The following COL11A1 variants were observed in gnomAD, a reference collection of about 807,000 sequenced individuals.
COL11A1 encodes collagen alpha-1(XI) chain.
COL11A1 carries 74 observed loss-of-function variants against 265.2 expected under a neutral mutation model. That is an observed-to-expected ratio of 0.28 (90% CI 0.23 to 0.34). The LOEUF (loss-of-function observed/expected upper bound fraction) is 0.34. COL11A1 is among the 10% of genes least tolerant of loss of function. COL11A1 has a pLI of 1.00. For missense variants in COL11A1, 2,165 were observed against 2,263.6 expected, an observed-to-expected ratio of 0.96 and a Z score of 0.88; for synonymous variants, 816 against 727.6, an observed-to-expected ratio of 1.12 and a Z score of -1.96.
Position 103,022,739 on chromosome 1 carries a change from T to A in COL11A1, c.1245+3A>T, listed in dbSNP as rs1295102743. 1 of 1,613,576 alleles carries A rather than the reference T, an allele frequency of 6.2e-7. No homozygotes were observed. Among genetic ancestry groups the A allele is most frequent in the South Asian group, 1.1e-5 (1 of 91,084 alleles). On this transcript the variant is annotated splice_donor_region_variant and intron_variant, in intron 8 of 66. Transcript: ENST00000370096. Reference sequence around the variant, plus strand: ...AATGACACAGTGCATAGTATCAACTTACGCTTGTTTCTGTAATATCAGTTT... The same window carrying A: ...AATGACACAGTGCATAGTATCAACTAACGCTTGTTTCTGTAATATCAGTTT...
intron 41 of COL11A1, among the ~76,000 whole-genome samples, chr1:102,953,179 A>G (rs957444152): frequency 2.6e-5 from 4 of 152,258 alleles, no homozygotes; most frequent in Non-Finnish European, 4.4e-5. Flanking sequence ...TTATATCTAA[A>G]CTGAATGATT....
At chr1:103,041,871 A>C (rs1022283656) in intron 4 of COL11A1, among the ~76,000 whole-genome samples, 7 of 152,012 alleles carry the variant, frequency 4.6e-5, no homozygotes, top group Non-Finnish European at 1.0e-4. Flanking sequence ...ATTTTGGAAA[A>C]ACTGTATTTT....
intron 1 of COL11A1, among the ~76,000 whole-genome samples, chr1:103,086,536 C>T (rs11164667): frequency 0.51 from 77,402 of 151,960 alleles, 22,386 homozygotes; most frequent in East Asian, 0.92. Context: ...CCTGCCTCAG[C>T]CTCCTGAGTA....
At position 103,050,543 on chromosome 1, in the gene COL11A1, C is replaced by T. The variant is rs1231911876; in HGVS notation, c.652-19299G>A. Among the ~76,000 whole-genome samples, 6 of 152,134 alleles carry T rather than the reference C, an allele frequency of 3.9e-5. No homozygotes were observed. The South Asian group carries it at 8.3e-4, about 21-fold the overall frequency. ...GTTTTTAACTTCTTTGCCATTGGTT[C>T]GAACTTCCTCCTGTGGCTCGGAGTA... is the stretch of plus-strand genomic sequence containing the variant. On this transcript the variant is annotated intron_variant, in intron 4 of 66. Coordinates refer to ENST00000370096, the MANE Select transcript of COL11A1 (RefSeq NM_001854.4).
At chr1:102,945,543 CTT>C (rs1156290125) in intron 42 of COL11A1, among the ~76,000 whole-genome samples, 2 of 152,030 alleles carry the variant, frequency 1.3e-5, no homozygotes, top group African/African-American at 4.8e-5. Context: ...AAACTGAAGT[CTT>C]AGTGATAGAG....
intron 9 of COL11A1, among the ~76,000 whole-genome samples, chr1:103,021,399 T>C (rs1236570845): frequency 6.6e-6 from 1 of 152,140 alleles, no homozygotes; most frequent in Non-Finnish European, 1.5e-5. Flanking sequence ...GATCAAACAT[T>C]TGATACCTCA....
chr1:103,039,576 C>T (rs986164138), intron 4 of COL11A1, among the ~76,000 whole-genome samples: 3 of 150,722 alleles, frequency 2.0e-5, no homozygotes, highest in Non-Finnish European at 4.4e-5. Flanking sequence ...ATTTCCAAGC[C>T]AAGGCAAGAA....
At chr1:102,901,498 G>A (rs1653198987) in intron 54 of COL11A1, among the ~76,000 whole-genome samples, 1 of 120,102 alleles carries the variant, frequency 8.3e-6, no homozygotes, top group South Asian at 3.1e-4. Flanking sequence ...TACAGAGTCT[G>A]TGTTATTCTG....
Position 103,074,787 on chromosome 1 carries a change from A to C in COL11A1, c.489-7T>G, listed in dbSNP as rs372555374. The stretch of plus-strand genomic sequence containing the variant: ...GATTGCTACCCGATGCCACCTAAAA[A>C]AGACAAGTAATTCTTTTGTAAGCTT... On this transcript the variant is annotated splice_polypyrimidine_tract_variant and splice_region_variant and intron_variant, in intron 3 of 66. Coordinates refer to ENST00000370096, the MANE Select transcript of COL11A1 (RefSeq NM_001854.4). The C allele has an allele frequency of 1.1e-4, 183 of 1,612,968 alleles. 1 individual carries two copies. The African/African-American group carries it at 2.4e-3, about 21-fold the overall frequency.
At chr1:102,904,319 G>A (rs2100965010) in intron 54 of COL11A1, among the ~76,000 whole-genome samples, 1 of 152,234 alleles carries the variant, frequency 6.6e-6, no homozygotes, top group South Asian at 2.1e-4. Context: ...CATGGGCAAG[G>A]ACTTCATGTC....
intron 4 of COL11A1, among the ~76,000 whole-genome samples, chr1:103,055,589 G>A (rs758008630): frequency 1.3e-5 from 2 of 152,190 alleles, no homozygotes; most frequent in Non-Finnish European, 2.9e-5. Context: ...GGATTTGGAA[G>A]ATGAGGCAAG....
chr1:103,044,721 T>C (rs1280692690), intron 4 of COL11A1, among the ~76,000 whole-genome samples: 1 of 152,130 alleles, frequency 6.6e-6, no homozygotes, highest in Non-Finnish European at 1.5e-5. Flanking sequence ...AATATATTTA[T>C]TCATTCACTA....
intron 1 of COL11A1, among the ~76,000 whole-genome samples, chr1:103,099,218 G>T (rs987230689): frequency 6.6e-6 from 1 of 151,528 alleles, no homozygotes; most frequent in Admixed American, 6.6e-5. Context: ...TAGCAATATA[G>T]TATAAAAACT....
At chr1:103,066,888 C>T (rs931909415) in intron 4 of COL11A1, among the ~76,000 whole-genome samples, 2 of 151,606 alleles carry the variant, frequency 1.3e-5, no homozygotes, top group African/African-American at 2.4e-5. Flanking sequence ...AAAGGAGTGG[C>T]CATTCTAATA....
chr1:103,080,033 A>G (rs1175220377), intron 2 of COL11A1, among the ~76,000 whole-genome samples: 2 of 151,834 alleles, frequency 1.3e-5, no homozygotes, highest in Admixed American at 6.6e-5. Context: ...TATAATAATA[A>G]AATTTTATAA....
intron 1 of COL11A1, among the ~76,000 whole-genome samples, chr1:103,103,440 C>T (rs745748773): frequency 1.3e-4 from 19 of 151,868 alleles, no homozygotes; most frequent in Non-Finnish European, 2.5e-4. Flanking sequence ...TAGAGTATTA[C>T]GCCTTCTACT....
intron 2 of COL11A1, among the ~76,000 whole-genome samples, chr1:103,079,268 G>A (rs1672216683): frequency 6.7e-6 from 1 of 149,202 alleles, no homozygotes. Flanking sequence ...ACTTTAAAGA[G>A]GCATTGTAAT....
In COL11A1 at chr1:102,914,823, TAAAAA is replaced by T; in HGVS notation, c.3817-17_3817-13del. ...TCTCCTTTGGGACCCTAAACAATGT[TAAAAA>T]AAAAAAAAGAAGAAGAAGGAAAGAA... On this transcript the variant is annotated splice_polypyrimidine_tract_variant and intron_variant, in intron 50 of 66. Transcript: ENST00000370096. 1 of 1,268,952 alleles carries T rather than the reference TAAAAA, an allele frequency of 7.9e-7. No homozygotes were observed. The highest frequency in any genetic ancestry group is 2.6e-5 in the East Asian group (1 of 39,084). The allele number at this position is 1,268,952 out of a possible 1,614,324, so 78.6% of individuals were successfully genotyped here. A position where few individuals can be genotyped will look rare whatever the true frequency, so the allele number is the denominator to read the frequency against.
intron 57 of COL11A1, among the ~76,000 whole-genome samples, chr1:102,890,903 A>G (rs1651687612): frequency 6.6e-6 from 1 of 152,048 alleles, no homozygotes; most frequent in Non-Finnish European, 1.5e-5. Flanking sequence ...GAAAAAACTC[A>G]ATAAACTTTT....
Sources: gnomAD v4.1 joint callset for allele counts (sites outside exome capture counted in the v4.1 genomes callset) on GRCh38, gnomAD v4.1.1 for gene constraint, MANE v1.5 for transcripts, NCBI Gene and HGNC (gene_info 2026-07-23, HGNC 2026-07-21) for gene names.